The following GXYLT2 variants were observed in gnomAD, a reference collection of about 807,000 sequenced individuals.
GXYLT2 encodes glycosyltransferase 8 domain containing 4.
A neutral mutation model predicts 45.8 loss-of-function variants in GXYLT2; 53 were observed. The ratio of observed to expected loss-of-function variants is 1.16; its 90% confidence interval spans 0.93 to 1.46. GXYLT2 has a LOEUF of 1.46. Among genes scored for constraint, GXYLT2 ranks in the 40% most tolerant of loss-of-function variants. The pLI is 0.00. For synonymous variants in GXYLT2, 219 were observed against 214.2 expected (o/e 1.02, Z -0.19); for missense variants, 551 against 544.4 (o/e 1.01, Z -0.12).
At chr3:72,948,286 A>C (rs1043806697) in intron 3 of GXYLT2, among the ~76,000 whole-genome samples, 6 of 152,034 alleles carry the variant, frequency 3.9e-5, no homozygotes, top group Admixed American at 2.0e-4. Flanking sequence ...TTTATAGACT[A>C]CTCCTCCCAG....
rs990239370 is a variant in GXYLT2, at chr3:72,929,037, C to T, written c.600+6702C>T. On this transcript the variant is annotated intron_variant, in intron 3 of 6. Coordinates refer to ENST00000389617, the MANE Select transcript of GXYLT2 (RefSeq NM_001080393.2). ...AGCCACCGCCGCCTCTCCTTAGCCG[C>T]CGCCGTGACGACCGCGTCCACCTCG... 1.1e-5 allele frequency: 17 copies of T among 1,535,712 alleles called. No individual in the cohort carries two copies. The Admixed American group carries it at 2.0e-4, about 18-fold the overall frequency.
At chr3:72,915,863 A>G (rs944880998) in intron 2 of GXYLT2, among the ~76,000 whole-genome samples, 1 of 151,154 alleles carries the variant, frequency 6.6e-6, no homozygotes, top group Non-Finnish European at 1.5e-5. Context: ...TGGGTTTCTC[A>G]TTACTAGAGG....
intron 6 of GXYLT2, among the ~76,000 whole-genome samples, chr3:72,971,121 C>G (rs909598560): frequency 6.6e-6 from 1 of 152,148 alleles, no homozygotes; most frequent in East Asian, 1.9e-4. Flanking sequence ...CAGAGCCACT[C>G]TTGGGTTTCT....
At chr3:72,951,169 G>C (rs986631671) in intron 3 of GXYLT2, among the ~76,000 whole-genome samples, 2 of 151,714 alleles carry the variant, frequency 1.3e-5, no homozygotes, top group African/African-American at 4.9e-5. Flanking sequence ...AGCCTCTAGA[G>C]ATGCAATGTT....
intron 2 of GXYLT2, among the ~76,000 whole-genome samples, chr3:72,911,993 G>GTGTATATATATATATATATA (rs1381632448): frequency 8.1e-6 from 1 of 122,938 alleles, no homozygotes; most frequent in African/African-American, 4.0e-5. Flanking sequence ...GTGTGTGTGT[G>GTGTATATATATATATATATA]TATATATATA....
At chr3:72,964,764 A>T (rs1175475330) in intron 5 of GXYLT2, among the ~76,000 whole-genome samples, 2 of 152,244 alleles carry the variant, frequency 1.3e-5, no homozygotes, top group Non-Finnish European at 2.9e-5. Flanking sequence ...ACAAATAGTC[A>T]TTGATTCAAT....
chr3:72,889,900 T>C (rs560847482), intron 1 of GXYLT2, among the ~76,000 whole-genome samples: 1 of 137,398 alleles, frequency 7.3e-6, no homozygotes, highest in Non-Finnish European at 1.6e-5. Flanking sequence ...CTTTTGGTTT[T>C]TTTTTTGTTT....
At chr3:72,960,198 G>C (rs1286092489) in intron 5 of GXYLT2, among the ~76,000 whole-genome samples, 1 of 152,188 alleles carries the variant, frequency 6.6e-6, no homozygotes, top group Non-Finnish European at 1.5e-5. Flanking sequence ...AGGGATTATA[G>C]GCGTGAGCCA....
chr3:72,959,714 A>G (rs566635368), intron 5 of GXYLT2, among the ~76,000 whole-genome samples: 6 of 151,476 alleles, frequency 4.0e-5, no homozygotes, highest in Non-Finnish European at 7.4e-5. Flanking sequence ...GTCTGACTGC[A>G]ATCTCTGCCC....
At chr3:72,905,083 AAAAAAGGAAAGAAAAG>A (rs1709486122) in intron 1 of GXYLT2, among the ~76,000 whole-genome samples, 1 of 148,552 alleles carries the variant, frequency 6.7e-6, no homozygotes, top group Admixed American at 6.7e-5. Context: ...AAAAAAAAAA[AAAAAAGGAAAGAAAAG>A]AAAAAGAAAA....
At chr3:72,935,133 A>G (rs931934583) in intron 3 of GXYLT2, among the ~76,000 whole-genome samples, 1 of 152,232 alleles carries the variant, frequency 6.6e-6, no homozygotes, top group Non-Finnish European at 1.5e-5. Context: ...TAAAACTTCT[A>G]AAGAAATTAT....
intron 3 of GXYLT2, among the ~76,000 whole-genome samples, chr3:72,946,439 A>G (rs1280943201): frequency 6.6e-6 from 1 of 152,166 alleles, no homozygotes; most frequent in Non-Finnish European, 1.5e-5. Context: ...GGCGGCAAGA[A>G]CACAAGACCA....
chr3:72,933,248 T>C (rs1164677294), intron 3 of GXYLT2, among the ~76,000 whole-genome samples: 1 of 152,206 alleles, frequency 6.6e-6, no homozygotes, highest in African/African-American at 2.4e-5. Flanking sequence ...TAACTAACCA[T>C]GAACAATTGT....
At chr3:72,966,059 C>A (rs1054421561) in intron 5 of GXYLT2, among the ~76,000 whole-genome samples, 1 of 152,054 alleles carries the variant, frequency 6.6e-6, no homozygotes, top group Non-Finnish European at 1.5e-5. Context: ...CAGCTCACTG[C>A]AACCCCTGCC....
intron 5 of GXYLT2, among the ~76,000 whole-genome samples, chr3:72,961,357 G>A (rs147977007): frequency 2.9e-4 from 44 of 152,250 alleles, no homozygotes; most frequent in Non-Finnish European, 4.3e-4. Context: ...GCTAAGTGAG[G>A]GCAGATACTG....
chr3:72,964,145 A>G (rs560350840), intron 5 of GXYLT2, among the ~76,000 whole-genome samples: 14 of 151,822 alleles, frequency 9.2e-5, no homozygotes, highest in Non-Finnish European at 1.8e-4. Context: ...TCGAGGTGAA[A>G]TGTTTTTCTA....
intron 2 of GXYLT2, among the ~76,000 whole-genome samples, chr3:72,911,995 A>G (rs183793051): frequency 0.019 from 2,328 of 124,122 alleles, 27 homozygotes; most frequent in Middle Eastern, 0.027. Flanking sequence ...GTGTGTGTGT[A>G]TATATATATA....
intron 3 of GXYLT2, among the ~76,000 whole-genome samples, chr3:72,944,500 C>A (rs1710366440): frequency 6.6e-6 from 1 of 152,112 alleles, no homozygotes; most frequent in Non-Finnish European, 1.5e-5. Context: ...AGTGATCCGC[C>A]CGCCTCAGCC....
chr3:72,962,717 A>C (rs1418237828), intron 5 of GXYLT2, among the ~76,000 whole-genome samples: 2 of 152,194 alleles, frequency 1.3e-5, no homozygotes, highest in African/African-American at 2.4e-5. Flanking sequence ...AGGAGGTAGA[A>C]GGTAGACTCC....
Sources: allele counts gnomAD v4.1 joint callset (sites outside exome capture counted in the v4.1 genomes callset), GRCh38; gene constraint gnomAD v4.1.1; transcripts MANE v1.5; gene names NCBI Gene and HGNC (gene_info 2026-07-23, HGNC 2026-07-21).